The following NEK11 variants were observed in gnomAD, a reference collection of about 807,000 sequenced individuals.
NEK11 encodes NIMA related kinase 11.
Under a neutral mutation model 80.7 loss-of-function variants are expected in NEK11, and 72 were observed. That is an observed-to-expected ratio of 0.89 (90% confidence interval 0.74 to 1.08). NEK11 has a LOEUF of 1.08. NEK11 is among the 50% of genes least tolerant of loss of function. The pLI, the probability that NEK11 is intolerant of heterozygous loss-of-function variation, is 0.00. For missense variants in NEK11, 764 were observed against 763.6 expected, an observed-to-expected ratio of 1.00 and a Z score of -0.01; for synonymous variants, 251 against 260.7, an observed-to-expected ratio of 0.96 and a Z score of 0.36.
chr3:131,301,938 T>G (rs1216988674), intron 17 of NEK11, among the ~76,000 whole-genome samples: 1 of 152,120 alleles, frequency 6.6e-6, no homozygotes, highest in Non-Finnish European at 1.5e-5. Context: ...TGGTACCAGG[T>G]CTTCTTTATA....
Position 131,349,919 on chromosome 3 carries a change from GCTT to G in NEK11, c.*147_*149del. On this transcript the variant is annotated 3_prime_UTR_variant, in exon 18 of 18. Transcript: ENST00000383366. ...TTTCAATTCCTCATCAGAAGTACTG[GCTT>G]CTTTAGAGAGTAGTAAGCATGGCTG... 1.5e-6 allele frequency: 1 copy of G among 650,776 alleles called. No homozygotes were observed. The highest frequency in any genetic ancestry group is 2.6e-6 in the Non-Finnish European group (1 of 379,774). 40.3% of individuals were successfully genotyped at this position (650,776 alleles called of 1,614,324 possible). A position where few individuals can be genotyped will look rare whatever the true frequency, so the allele number is the denominator to read the frequency against.
At chr3:131,241,326 A>T (rs2095515726) in intron 15 of NEK11, among the ~76,000 whole-genome samples, 1 of 152,182 alleles carries the variant, frequency 6.6e-6, no homozygotes, top group South Asian at 2.1e-4. Flanking sequence ...TCATTGCAGT[A>T]TTCTTTAAAA....
At chr3:131,167,506 T>C (rs1236899882) in intron 12 of NEK11, among the ~76,000 whole-genome samples, 3 of 152,180 alleles carry the variant, frequency 2.0e-5, no homozygotes, top group Non-Finnish European at 4.4e-5. Flanking sequence ...GATCACCATG[T>C]TTGTGTTCTT....
At chr3:131,035,631 A>G (rs2065521568) in intron 3 of NEK11, among the ~76,000 whole-genome samples, 1 of 152,224 alleles carries the variant, frequency 6.6e-6, no homozygotes, top group African/African-American at 2.4e-5. Context: ...AAGACAAGAT[A>G]GATCTATAAA....
chr3:131,167,898 T>A (rs1269814546), intron 12 of NEK11, among the ~76,000 whole-genome samples: 1 of 152,212 alleles, frequency 6.6e-6, no homozygotes, highest in Non-Finnish European at 1.5e-5. Flanking sequence ...TTCTTTGATC[T>A]TCTGAGATTA....
rs1022439542 is a variant in NEK11, at chr3:131,346,832, G to A, written c.1719-2725G>A. The stretch of plus-strand genomic sequence containing the variant: ...TGAAATCAATTTCAGAGGTCATGTA[G>A]TCATTGGCACTGATGAGGTCAATTG... On this transcript the variant is annotated intron_variant, in intron 17 of 17. Transcript: ENST00000383366. Among the ~76,000 whole-genome samples, 9 of 152,176 alleles carry A rather than the reference G, an allele frequency of 5.9e-5. No homozygotes were observed. The East Asian group carries it at 1.7e-3, about 29-fold the overall frequency.
intron 16 of NEK11, among the ~76,000 whole-genome samples, chr3:131,245,237 GTTCT>G (rs1436054117): frequency 1.3e-5 from 2 of 151,692 alleles, no homozygotes; most frequent in African/African-American, 2.4e-5. Context: ...ATGGCCTCCA[GTTCT>G]TTCTATGTTG....
chr3:131,181,056 C>T (rs2150164312), intron 14 of NEK11, among the ~76,000 whole-genome samples: 1 of 152,252 alleles, frequency 6.6e-6, no homozygotes, highest in Non-Finnish European at 1.5e-5. Flanking sequence ...CTAAGGCTGT[C>T]CTAATCCTTG....
At chr3:131,293,496 T>C (rs968618854) in intron 17 of NEK11, among the ~76,000 whole-genome samples, 4 of 152,146 alleles carry the variant, frequency 2.6e-5, no homozygotes, top group African/African-American at 9.7e-5. Flanking sequence ...TTTGCAAATA[T>C]TTTGTTAAAA....
At chr3:131,300,805 GGTGAT>G (rs1436103527) in intron 17 of NEK11, among the ~76,000 whole-genome samples, 3 of 152,150 alleles carry the variant, frequency 2.0e-5, no homozygotes, top group African/African-American at 7.2e-5. Context: ...TTTGAAGTCA[GGTGAT>G]GTGATGCCTC....
chr3:131,155,212 A>C, intron 10 of NEK11, 91 bp downstream of exon 10: 1 of 797,048 alleles, frequency 1.3e-6, no homozygotes, highest in South Asian at 1.7e-5. Flanking sequence ...AACTGACTGC[A>C]TCGAGTATCC....
At chr3:131,206,282 C>G (rs2094438179) in intron 14 of NEK11, among the ~76,000 whole-genome samples, 1 of 152,196 alleles carries the variant, frequency 6.6e-6, no homozygotes, top group Admixed American at 6.5e-5. Context: ...AAATTGTAGA[C>G]AGTTTACCAT....
intron 16 of NEK11, among the ~76,000 whole-genome samples, chr3:131,248,577 G>A (rs959537040): frequency 6.6e-6 from 1 of 152,112 alleles, no homozygotes; most frequent in East Asian, 1.9e-4. Flanking sequence ...CTCTTCCATG[G>A]CCTGGATTGC....
At chr3:131,078,069 G>A (rs1356068073) in intron 3 of NEK11, among the ~76,000 whole-genome samples, 1 of 152,222 alleles carries the variant, frequency 6.6e-6, no homozygotes, top group Non-Finnish European at 1.5e-5. Flanking sequence ...CCTTGCCTGT[G>A]AGGTTCCTGA....
chr3:131,203,998 G>A (rs1359657477), intron 14 of NEK11, among the ~76,000 whole-genome samples: 1 of 151,600 alleles, frequency 6.6e-6, no homozygotes, highest in Non-Finnish European at 1.5e-5. Context: ...TTCATTCCCT[G>A]GAGAAAGAGA....
At chr3:131,227,730 G>A (rs1053719102) in intron 14 of NEK11, among the ~76,000 whole-genome samples, 2 of 151,890 alleles carry the variant, frequency 1.3e-5, no homozygotes, top group Admixed American at 6.6e-5. Flanking sequence ...TAGTTGTTTG[G>A]GTAGTTCTTT....
At chr3:131,288,437 C>T (rs1164649307) in intron 17 of NEK11, among the ~76,000 whole-genome samples, 3 of 52,812 alleles carry the variant, frequency 5.7e-5, no homozygotes, top group Non-Finnish European at 1.1e-4. Context: ...ATATGGTATG[C>T]ATTTCTTTCT....
In NEK11 at chr3:131,208,298, G is replaced by A. The variant is rs551221271; in HGVS notation, c.1400-20230G>A. 8.5e-5 allele frequency among the ~76,000 whole-genome samples: 13 copies of A among 152,146 alleles called. No individual in the cohort carries two copies. The South Asian group carries it at 2.7e-3, about 32-fold the overall frequency. ...TGTAGATGTGTTATTATTTCTGAGG[G>A]CTCTGTTCTGTTCCAATGATCTATA... On this transcript the variant is annotated intron_variant, in intron 14 of 17. Coordinates refer to ENST00000383366, the MANE Select transcript of NEK11 (RefSeq NM_024800.5).
rs150119591 is a variant in NEK11, at chr3:131,199,687, A to G, written c.1399+28800A>G. Among the ~76,000 whole-genome samples the G allele has an allele frequency of 1.2e-3, 183 of 152,314 alleles. 1 individual carries two copies. Among genetic ancestry groups the G allele is most frequent in the Non-Finnish European group, 1.8e-3 (120 of 68,026 alleles). ...AAACTACAAATAGAAGTAAAATATA[A>G]TATCTTATAAAACACAGTGGCATTC... On this transcript the variant is annotated intron_variant, in intron 14 of 17. Coordinates refer to ENST00000383366, the MANE Select transcript of NEK11 (RefSeq NM_024800.5).
Sources: allele counts gnomAD v4.1 joint callset (sites outside exome capture counted in the v4.1 genomes callset), GRCh38; gene constraint gnomAD v4.1.1; transcripts MANE v1.5; gene names NCBI Gene and HGNC (gene_info 2026-07-23, HGNC 2026-07-21).